Variants in PML observed in about 807,000 individuals in gnomAD.
The protein encoded by PML is protein PML.
Under a neutral mutation model 65.2 loss-of-function variants are expected in PML, and 28 were observed. The ratio of observed to expected loss-of-function variants is 0.43; its 90% CI spans 0.32 to 0.59. The LOEUF (loss-of-function observed/expected upper bound fraction) is 0.59, where lower values mean the gene tolerates loss of function less well. Ranked by LOEUF, PML falls within the 20% of genes least tolerant of loss-of-function variation. The pLI is 0.08. For missense variants in PML, 1,021 were observed against 1,203.4 expected (o/e 0.85, Z 2.24); for synonymous variants, 500 against 508.8 (o/e 0.98, Z 0.23).
Position 73,998,325 on chromosome 15 carries a change from T to G in PML, c.451T>G (p.Cys151Gly). ...GTGCGAGCAGCTCCTCTGCGCCAAG[T>G]GCTTCGAGGCACACCAGTGGTTCCT... ...FECEQLLCAK[C>G]FEAHQWFLKH... Residue 151 changes from cysteine (C) to glycine (G), a missense_variant, in exon 2 of 9, where the codon TGC becomes GGC. Physicochemically the swap from Cys to Gly is radical, Grantham distance 159. Coordinates refer to ENST00000268058, the MANE Select transcript of PML (RefSeq NM_033238.3). 3 of 1,614,166 alleles carry G rather than the reference T, an allele frequency of 1.9e-6. No homozygotes were observed. Among genetic ancestry groups the G allele is most frequent in the Non-Finnish European group, 2.5e-6 (3 of 1,180,026 alleles).
chr15:74,025,229 T>G, intron 4 of PML: 1 of 441,588 alleles, frequency 2.3e-6, no homozygotes, highest in Non-Finnish European at 4.2e-6. Context: ...GCAGAGGGAA[T>G]TCCAGCATTA....
rs770261381 is a variant in PML at position 74,035,643 on chromosome 15, G to T, written c.1710+1113G>T. The T allele has an allele frequency of 1.9e-6, 3 of 1,613,990 alleles. No homozygotes were observed. The highest frequency in any genetic ancestry group is 2.2e-5 in the East Asian group (1 of 44,872). On this transcript the variant is annotated intron_variant, in intron 7 of 8. Coordinates refer to ENST00000268058, the MANE Select transcript of PML (RefSeq NM_033238.3). This position sits in a 1 kb window ranked among gnomAD's most constrained non-coding sequence, Gnocchi z 4.1. ...CAGCCCACCCCACCGGATACGAGGGGCTGTGCGATCCCGCAGCCGCTCCCT... is the reference window on the plus strand; with the variant it reads ...CAGCCCACCCCACCGGATACGAGGGTCTGTGCGATCCCGCAGCCGCTCCCT...
At chr15:73,995,519 G>A (rs1431568058) in intron 1 of PML, among the ~76,000 whole-genome samples, 3 of 152,300 alleles carry the variant, frequency 2.0e-5, no homozygotes, top group Non-Finnish European at 4.4e-5. Context: ...CCCCGACAAA[G>A]GAACTACTTG....
In PML at chr15:74,035,163, A is replaced by G. The variant is rs2071488412; in HGVS notation, c.1710+633A>G. ...TCCAGCCCTCAGTCTGAGGTTCTGT[A>G]TTGGAAAGTGCATGGAGCCCATGGA... is the stretch of plus-strand genomic sequence containing the variant. On this transcript the variant is annotated intron_variant, in intron 7 of 8. Coordinates refer to ENST00000268058, the MANE Select transcript of PML (RefSeq NM_033238.3). The surrounding 1 kb of genome is among the most constrained non-coding windows in gnomAD (Gnocchi z 4.1). The G allele has an allele frequency of 8.2e-7, 1 of 1,218,068 alleles. No homozygotes were observed. The highest frequency in any genetic ancestry group is 1.5e-5 in the African/African-American group (1 of 67,200). The allele number at this position is 1,218,068 out of a possible 1,614,324, so 75.5% of individuals were successfully genotyped here.
In PML at chr15:74,047,082, C is replaced by T. The variant is rs2071778603; in HGVS notation, c.*2074C>T. 4.3e-6 allele frequency: 1 copy of T among 230,254 alleles called. No individual in the cohort carries two copies. Among genetic ancestry groups the T allele is most frequent in the South Asian group, 1.8e-4 (1 of 5,504 alleles). 14.3% of individuals were successfully genotyped at this position (230,254 alleles called of 1,614,324 possible). On this transcript the variant is annotated 3_prime_UTR_variant, in exon 9 of 9. Coordinates refer to ENST00000268058, the MANE Select transcript of PML (RefSeq NM_033238.3). Reference sequence around the variant, plus strand: ...AAGCACCGATTTCAAGAATTACTTCCTAGAGAAAGTCAGGAACTAGAGACC... The same window carrying T: ...AAGCACCGATTTCAAGAATTACTTCTTAGAGAAAGTCAGGAACTAGAGACC...
At chr15:73,997,928 G>C (rs1309377414) in intron 1 of PML, 76 bp from the exon 2 acceptor site, 1 of 1,260,326 alleles carries the variant, frequency 7.9e-7, no homozygotes, top group Non-Finnish European at 1.2e-6. Context: ...CCAGGGTCCA[G>C]CTGTAAGGGT....
At chr15:74,023,541 G>T in intron 3 of PML, 133 bp downstream of exon 3, 1 of 769,324 alleles carries the variant, frequency 1.3e-6, no homozygotes. Context: ...GGTTGGTAAG[G>T]TCTTAGGTTC....
intron 2 of PML, 21 bp downstream of exon 2, chr15:73,998,497 T>A (rs1567116131): frequency 1.3e-6 from 2 of 1,597,748 alleles, no homozygotes; most frequent in Admixed American, 3.3e-5. Flanking sequence ...CGGCACAGGG[T>A]GGGGTGGTGC....
intron 4 of PML, among the ~76,000 whole-genome samples, chr15:74,030,114 G>A (rs979006894): frequency 2.0e-5 from 3 of 152,140 alleles, no homozygotes; most frequent in African/African-American, 7.2e-5. Context: ...AGCAGCCTCT[G>A]TCGGGAGCCT....
chr15:74,030,521 C>T (rs1371117592), intron 4 of PML, among the ~76,000 whole-genome samples: 2 of 152,070 alleles, frequency 1.3e-5, no homozygotes, highest in Admixed American at 6.6e-5. Flanking sequence ...TGGGGCTGTG[C>T]GCCTGTAATC....
intron 2 of PML, among the ~76,000 whole-genome samples, chr15:74,016,387 GCA>G (rs2070575995): frequency 6.6e-6 from 1 of 152,104 alleles, no homozygotes; most frequent in Non-Finnish European, 1.5e-5. Context: ...GGGCAACATA[GCA>G]AGACCCTGTC....
chr15:73,998,552 GT>G (rs2069613518), intron 2 of PML, 76 bp downstream of exon 2: 2 of 1,283,428 alleles, frequency 1.6e-6, no homozygotes, highest in Non-Finnish European at 2.2e-6. Context: ...GATCCAAAGA[GT>G]CACACAGCTG....
chr15:74,044,192 TC>T lies in PML; in HGVS notation c.1862-27del, dbSNP rs759594814. 8.6e-4 allele frequency: 1,380 copies of T among 1,612,112 alleles called. 1 individual carries two copies. Among genetic ancestry groups the T allele is most frequent in the Non-Finnish European group, 8.9e-4 (1,053 of 1,179,368 alleles). On this transcript the variant is annotated intron_variant, in intron 8 of 8. Coordinates refer to ENST00000268058, the MANE Select transcript of PML (RefSeq NM_033238.3). ...CCCCAGAGCTCTCTGTGACCCTGGGTCCTCACCCTGCCCTTCTCTCCTGCCC... is the reference window on the plus strand; with the variant it reads ...CCCCAGAGCTCTCTGTGACCCTGGGTCTCACCCTGCCCTTCTCTCCTGCCC...
At chr15:74,036,930 G>A (rs551678483) in intron 7 of PML, 1 of 985,204 alleles carries the variant, frequency 1.0e-6, no homozygotes, top group Non-Finnish European at 1.2e-6. Context: ...TGAGCTCTCA[G>A]TCCTACCTTC....
chr15:74,021,014 A>T (rs1300938715), intron 2 of PML, among the ~76,000 whole-genome samples: 1 of 152,226 alleles, frequency 6.6e-6, no homozygotes, highest in Non-Finnish European at 1.5e-5. Context: ...TTGCCATAGT[A>T]AGGTGACATA....
chr15:73,999,866 G>A (rs1379189830), intron 2 of PML, among the ~76,000 whole-genome samples: 2 of 137,956 alleles, frequency 1.4e-5, no homozygotes, highest in African/African-American at 2.7e-5. Context: ...ATGGAGTCTC[G>A]CTGTGTCACC....
intron 2 of PML, among the ~76,000 whole-genome samples, chr15:74,019,720 C>T (rs1364639143): frequency 6.6e-6 from 1 of 152,178 alleles, no homozygotes. Flanking sequence ...AAATAGTTAG[C>T]ATTTATTGAA....
chr15:74,034,632 G>A, intron 7 of PML, 102 bp downstream of exon 7: 1 of 1,612,184 alleles, frequency 6.2e-7, no homozygotes. Flanking sequence ...CCTTGCGCCT[G>A]GGGAATTTTC....
intron 7 of PML, among the ~76,000 whole-genome samples, chr15:74,040,862 G>A (rs1007368930): frequency 2.6e-5 from 4 of 152,172 alleles, no homozygotes; most frequent in African/African-American, 4.8e-5. Context: ...AAGGCAGCTC[G>A]AGTAAGTTTA....
Sources: gnomAD v4.1 joint callset for allele counts (sites outside exome capture counted in the v4.1 genomes callset) on GRCh38, gnomAD v4.1.1 for gene constraint, Gnocchi (gnomAD v3.1) non-coding constraint, MANE v1.5 for transcripts, NCBI Gene and HGNC (gene_info 2026-07-23, HGNC 2026-07-21) for gene names.